The following ADAMTS12 variants were observed in gnomAD, a reference collection of about 807,000 sequenced individuals.
The protein encoded by ADAMTS12 is ADAM metallopeptidase with thrombospondin type 1 motif 12.
ADAMTS12 carries 118 observed loss-of-function variants against 167.8 expected under a neutral mutation model. The observed-to-expected ratio is 0.70, with a 90% confidence interval of 0.61 to 0.82. The LOEUF (loss-of-function observed/expected upper bound fraction) is 0.82, where lower values mean the gene tolerates loss of function less well. Ranked by LOEUF, ADAMTS12 falls within the 40% of genes least tolerant of loss-of-function variation. The probability of loss-of-function intolerance (pLI) is 0.00; values close to 1 mark genes in which losing one functional copy is unlikely to be tolerated. For synonymous variants in ADAMTS12, 704 were observed against 716.9 expected (o/e 0.98, Z 0.29); for missense variants, 1,916 against 1,998.8 (o/e 0.96, Z 0.79).
intron 13 of ADAMTS12, 83 bp downstream of exon 13, chr5:33,630,697 C>T: frequency 6.1e-6 from 9 of 1,469,270 alleles, no homozygotes; most frequent in Non-Finnish European, 8.4e-6. Flanking sequence ...GCTGTGAAAG[C>T]ACAAACCTAG....
intron 2 of ADAMTS12, among the ~76,000 whole-genome samples, chr5:33,819,413 T>C (rs1747788039): frequency 6.6e-6 from 1 of 152,190 alleles, no homozygotes; most frequent in Non-Finnish European, 1.5e-5. Context: ...CTCTGATTTG[T>C]TCCATTGGTC....
intron 17 of ADAMTS12, among the ~76,000 whole-genome samples, chr5:33,589,934 A>G (rs534496888): frequency 1.1e-4 from 17 of 152,340 alleles, no homozygotes; most frequent in African/African-American, 4.1e-4. Flanking sequence ...TAAAAATATC[A>G]GAAGAAAGCA....
rs529337973 is a variant in ADAMTS12 at position 33,717,443 on chromosome 5, C to G, written c.635-33388G>C. 4.6e-5 allele frequency among the ~76,000 whole-genome samples: 7 copies of G among 152,266 alleles called. No homozygotes were observed. In the South Asian group the frequency reaches 1.5e-3, roughly 32 times the overall value. ...CTTTGCATATATTAATTCATTTAAT[C>G]CACATAATAACCCTGTAAGGTAAGT... On this transcript the variant is annotated intron_variant, in intron 3 of 23. Coordinates refer to ENST00000504830, the MANE Select transcript of ADAMTS12 (RefSeq NM_030955.4).
intron 2 of ADAMTS12, among the ~76,000 whole-genome samples, chr5:33,788,808 C>A (rs1347009442): frequency 6.6e-6 from 1 of 152,222 alleles, no homozygotes; most frequent in Non-Finnish European, 1.5e-5. Flanking sequence ...CATGCGCACA[C>A]ATTCACCTTT....
intron 3 of ADAMTS12, among the ~76,000 whole-genome samples, chr5:33,720,769 A>AT (rs1225322872): frequency 6.6e-6 from 1 of 152,196 alleles, no homozygotes; most frequent in Non-Finnish European, 1.5e-5. Context: ...TGGTACAACC[A>AT]TTTTGCAAAA....
At chr5:33,642,010 T>A in intron 10 of ADAMTS12, 55 bp from the exon 11 acceptor site, 6 of 1,534,300 alleles carry the variant, frequency 3.9e-6, no homozygotes, top group Middle Eastern at 1.7e-4. Flanking sequence ...CAGAGCAAGC[T>A]GAGCCAAGAG....
intron 16 of ADAMTS12, among the ~76,000 whole-genome samples, chr5:33,606,006 G>A (rs1229113650): frequency 6.6e-6 from 1 of 152,128 alleles, no homozygotes; most frequent in Non-Finnish European, 1.5e-5. Flanking sequence ...GGAATGCAGA[G>A]GTGCAATCTC....
chr5:33,664,237 A>T (rs975395220), intron 5 of ADAMTS12, among the ~76,000 whole-genome samples: 7 of 152,204 alleles, frequency 4.6e-5, no homozygotes, highest in African/African-American at 1.7e-4. Context: ...AGAAAAATAA[A>T]GTGGAACGTA....
intron 3 of ADAMTS12, among the ~76,000 whole-genome samples, chr5:33,747,877 T>C (rs1181906286): frequency 6.6e-6 from 1 of 152,206 alleles, no homozygotes; most frequent in East Asian, 1.9e-4. Context: ...AAGCTGTCAG[T>C]GCTTCAGACA....
chr5:33,572,816 T>C (rs1167914112), intron 19 of ADAMTS12, among the ~76,000 whole-genome samples: 1 of 142,928 alleles, frequency 7.0e-6, no homozygotes, highest in East Asian at 2.0e-4. Context: ...ATTGTCCCTG[T>C]TTGCAGACGA....
chr5:33,848,364 G>A (rs1448922272), intron 2 of ADAMTS12, among the ~76,000 whole-genome samples: 1 of 152,168 alleles, frequency 6.6e-6, no homozygotes, highest in Non-Finnish European at 1.5e-5. Flanking sequence ...TGAGGGCAGA[G>A]GATAGACAAA....
At chr5:33,786,037 T>C (rs561944103) in intron 2 of ADAMTS12, among the ~76,000 whole-genome samples, 3 of 152,304 alleles carry the variant, frequency 2.0e-5, no homozygotes, top group East Asian at 3.9e-4. Context: ...CAAAATATTA[T>C]GCAAAGTGAA....
In ADAMTS12 at chr5:33,751,488, G is replaced by A. The variant is rs765302291; in HGVS notation, c.550C>T (p.Leu184=). Residue 184 remains leucine, a synonymous_variant, in exon 3 of 24, where the codon CTG becomes TTG. Coordinates refer to ENST00000504830, the MANE Select transcript of ADAMTS12 (RefSeq NM_030955.4). ...FFIEPVKKHP[L]VEGGYHPHIV... Reference sequence around the variant, plus strand: ...TGCGGGTGGTACCCTCCCTCAACCAGTGGATGCTTCTTCACGGGTTCAATG... The same window carrying A: ...TGCGGGTGGTACCCTCCCTCAACCAATGGATGCTTCTTCACGGGTTCAATG... 6 of 1,614,122 alleles carry A rather than the reference G, an allele frequency of 3.7e-6. No individual in the cohort carries two copies. Among genetic ancestry groups the A allele is most frequent in the Admixed American group, 1.7e-5 (1 of 60,014 alleles).
rs148439423 is a variant in ADAMTS12, at chr5:33,745,019, T to C, written c.634+6385A>G. Among the ~76,000 whole-genome samples, 640 of 152,330 alleles carry C rather than the reference T, an allele frequency of 4.2e-3. 6 individuals are homozygous for C. Among genetic ancestry groups the C allele is most frequent in the African/African-American group, 0.015 (605 of 41,576 alleles). On this transcript the variant is annotated intron_variant, in intron 3 of 23. Coordinates refer to ENST00000504830, the MANE Select transcript of ADAMTS12 (RefSeq NM_030955.4). ...TTTTGGTAAAGATGATGTCTTGCTA[T>C]GTAGCCCAGGCTGGTCTTGAACTCC... is the stretch of plus-strand genomic sequence containing the variant.
chr5:33,680,080 T>C (rs937233220), intron 5 of ADAMTS12, among the ~76,000 whole-genome samples: 4 of 152,224 alleles, frequency 2.6e-5, no homozygotes, highest in Non-Finnish European at 5.9e-5. Context: ...ATTCTGCTGT[T>C]AACTTGTGAA....
intron 2 of ADAMTS12, among the ~76,000 whole-genome samples, chr5:33,831,433 A>G (rs904864684): frequency 3.3e-5 from 5 of 152,222 alleles, no homozygotes; most frequent in Non-Finnish European, 7.3e-5. Context: ...AAAATAAACA[A>G]TGATCTTAAG....
chr5:33,559,050 T>A lies in ADAMTS12; in HGVS notation c.4125+1977A>T, dbSNP rs372155099. Among the ~76,000 whole-genome samples, 208 of 152,334 alleles carry A rather than the reference T, an allele frequency of 1.4e-3. 1 individual carries two copies. Among genetic ancestry groups the A allele is most frequent in the African/African-American group, 4.9e-3 (205 of 41,576 alleles). On this transcript the variant is annotated intron_variant, in intron 20 of 23. Transcript: ENST00000504830. The stretch of plus-strand genomic sequence containing the variant: ...GACCATCAGACAGTAGCCTCCCATG[T>A]TCCTGTCTGATGGTAAGTCTGCCAG...
intron 2 of ADAMTS12, among the ~76,000 whole-genome samples, chr5:33,801,698 T>C (rs988130681): frequency 1.3e-5 from 2 of 152,138 alleles, no homozygotes; most frequent in African/African-American, 4.8e-5. Context: ...GGTACAAAGG[T>C]GAGGGAGTCC....
intron 2 of ADAMTS12, among the ~76,000 whole-genome samples, chr5:33,804,168 T>A (rs2112476929): frequency 6.6e-6 from 1 of 152,362 alleles, no homozygotes; most frequent in African/African-American, 2.4e-5. Flanking sequence ...ATACATTATC[T>A]TCATTCACAG....
Sources: gnomAD v4.1 joint callset for allele counts (sites outside exome capture counted in the v4.1 genomes callset) on GRCh38, gnomAD v4.1.1 for gene constraint, MANE v1.5 for transcripts, NCBI Gene and HGNC (gene_info 2026-07-23, HGNC 2026-07-21) for gene names.